RBKS: variants seen among roughly 807,000 people sequenced by gnomAD.
The protein encoded by RBKS is ribokinase.
Under a neutral mutation model 33.9 loss-of-function variants are expected in RBKS, and 33 were observed. That is an observed-to-expected ratio of 0.97 (90% CI 0.74 to 1.30). RBKS has a LOEUF of 1.30. Among genes scored for constraint, RBKS ranks in the 50% most tolerant of loss-of-function variants. The probability of loss-of-function intolerance (pLI) is 0.00; values close to 1 mark genes in which losing one functional copy is unlikely to be tolerated. For synonymous variants in RBKS, 125 were observed against 143.0 expected, an observed-to-expected ratio of 0.87 and a Z score of 0.90; for missense variants, 361 against 392.6, an observed-to-expected ratio of 0.92 and a Z score of 0.68.
chr2:27,870,197 A>C (rs978657030), intron 1 of RBKS: 1 of 152,542 alleles, frequency 6.6e-6, no homozygotes, highest in Non-Finnish European at 1.5e-5. Context: ...AATATCTGCT[A>C]ATGTTTGAAA....
intron 5 of RBKS, 81 bp from the exon 6 acceptor site, chr2:27,832,858 A>T (rs1678448441): frequency 2.2e-6 from 2 of 917,162 alleles, no homozygotes; most frequent in Non-Finnish European, 3.6e-6. Context: ...CAGTAGGGAA[A>T]ATCCCCGAGT....
chr2:27,828,690 A>T (rs1379693088), intron 6 of RBKS, among the ~76,000 whole-genome samples: 1 of 152,148 alleles, frequency 6.6e-6, no homozygotes, highest in South Asian at 2.1e-4. Flanking sequence ...CTTTCAATAT[A>T]CTAATTTTTC....
chr2:27,785,804 G>A (rs1172262713), intron 7 of RBKS, among the ~76,000 whole-genome samples: 4 of 151,842 alleles, frequency 2.6e-5, no homozygotes, highest in Admixed American at 2.0e-4. Context: ...AACGCTCTTT[G>A]ATTCAACAAT....
intron 7 of RBKS, among the ~76,000 whole-genome samples, chr2:27,784,242 C>G (rs1054290651): frequency 2.6e-5 from 4 of 151,684 alleles, no homozygotes; most frequent in South Asian, 2.1e-4. Flanking sequence ...CTCGGCCTCC[C>G]GAAGTGCTGG....
At chr2:27,836,523 A>C (rs1340924915) in intron 5 of RBKS, among the ~76,000 whole-genome samples, 2 of 152,252 alleles carry the variant, frequency 1.3e-5, no homozygotes, top group Non-Finnish European at 2.9e-5. Flanking sequence ...TTTAAATGTA[A>C]GACCTCAAAC....
At chr2:27,863,486 A>G (rs1664027834) in intron 1 of RBKS, among the ~76,000 whole-genome samples, 1 of 152,270 alleles carries the variant, frequency 6.6e-6, no homozygotes. Context: ...TTACCAGAAC[A>G]ACTTATCAAT....
intron 7 of RBKS, among the ~76,000 whole-genome samples, chr2:27,822,807 G>A (rs1019756822): frequency 1.3e-5 from 2 of 152,170 alleles, no homozygotes; most frequent in African/African-American, 4.8e-5. Context: ...GCTTTTGTTT[G>A]TTCTCAGCTT....
chr2:27,878,188 C>G (rs931839594), intron 1 of RBKS, among the ~76,000 whole-genome samples: 18 of 150,376 alleles, frequency 1.2e-4, no homozygotes, highest in South Asian at 2.1e-4. Flanking sequence ...CCCCTGCCCC[C>G]ACCCCACAAC....
intron 2 of RBKS, among the ~76,000 whole-genome samples, chr2:27,850,258 A>G (rs1294549255): frequency 6.6e-6 from 1 of 152,210 alleles, no homozygotes; most frequent in Non-Finnish European, 1.5e-5. Flanking sequence ...GGCAACTAGT[A>G]TCCCCCACTA....
At chr2:27,854,992 T>C (rs183234801) in intron 2 of RBKS, among the ~76,000 whole-genome samples, 2 of 152,298 alleles carry the variant, frequency 1.3e-5, no homozygotes, top group East Asian at 3.9e-4. Context: ...AATACTTTAT[T>C]GTATGCTTAA....
In RBKS at chr2:27,843,183, G is replaced by A. The variant is rs1013533144; in HGVS notation, c.398C>T (p.Thr133Met). ...ATTGGCTGCTGCCCTCAGATCCTCC[G>A]TATTCAAAAGTAAATTTGCTCCAGC... ...IVAGANLLLN[T>M]EDLRAAANVI... Residue 133 changes from threonine to methionine, a missense_variant, in exon 5 of 8, where the codon ACG becomes ATG. Physicochemically the swap from Thr to Met is moderately conservative, Grantham distance 81. Transcript: ENST00000302188. 6.3e-5 allele frequency: 101 copies of A among 1,611,838 alleles called. 1 individual carries two copies. The East Asian group carries it at 1.1e-3, about 18-fold the overall frequency.
chr2:27,818,266 C>T (rs1455757049), intron 7 of RBKS, among the ~76,000 whole-genome samples: 1 of 151,998 alleles, frequency 6.6e-6, no homozygotes, highest in African/African-American at 2.4e-5. Context: ...TTCATTTAAA[C>T]GAGGCTGCAG....
rs1005847771 is a variant in RBKS, at chr2:27,886,183, C to T, written c.89+4074G>A. Among the ~76,000 whole-genome samples the T allele has an allele frequency of 1.3e-5, 2 of 152,090 alleles. 1 individual carries two copies. Among genetic ancestry groups the T allele is most frequent in the East Asian group, 3.8e-4 (2 of 5,200 alleles). On this transcript the variant is annotated intron_variant, in intron 1 of 7. Transcript: ENST00000302188. ...TAATGATTTTTAAAAATTATTACTA[C>T]ATACGACTTACTATTCATAGCTGAC...
intron 7 of RBKS, among the ~76,000 whole-genome samples, chr2:27,803,018 CAG>C (rs142506421): frequency 0.013 from 1,926 of 152,208 alleles, 35 homozygotes; most frequent in African/African-American, 0.044. Context: ...TTTATAGAGA[CAG>C]AGTCTCTCTT....
Position 27,801,945 on chromosome 2 carries a change from C to A in RBKS, c.796-20157G>T, listed in dbSNP as rs1224243755. Reference sequence around the variant, plus strand: ...CCTCCTGTCTCAGTTTCCCGAGTAGCTGGGGAAAAAAAAAAAAAATATATA... The same window carrying A: ...CCTCCTGTCTCAGTTTCCCGAGTAGATGGGGAAAAAAAAAAAAAATATATA... On this transcript the variant is annotated intron_variant, in intron 7 of 7. Coordinates refer to ENST00000302188, the MANE Select transcript of RBKS (RefSeq NM_022128.3). Among the ~76,000 whole-genome samples the A allele has an allele frequency of 1.2e-4, 8 of 64,442 alleles. 1 individual carries two copies. Among genetic ancestry groups the A allele is most frequent in the African/African-American group, 5.4e-4 (8 of 14,894 alleles). The allele number at this position is 64,442 out of a possible 152,430, so 42.3% of individuals were successfully genotyped here.
At chr2:27,881,434 G>A (rs544610622) in intron 1 of RBKS, among the ~76,000 whole-genome samples, 5 of 152,002 alleles carry the variant, frequency 3.3e-5, no homozygotes, top group East Asian at 1.9e-4. Context: ...CCAGTTACTC[G>A]GGAGGCTGAG....
At chr2:27,886,362 A>T (rs1202446800) in intron 1 of RBKS, among the ~76,000 whole-genome samples, 1 of 152,240 alleles carries the variant, frequency 6.6e-6, no homozygotes, top group Non-Finnish European at 1.5e-5. Context: ...ACTAAAGAAT[A>T]GGCATGCGTG....
chr2:27,811,662 C>G (rs1269846313), intron 7 of RBKS, among the ~76,000 whole-genome samples: 1 of 152,124 alleles, frequency 6.6e-6, no homozygotes, highest in East Asian at 1.9e-4. Flanking sequence ...ACTCAGAACT[C>G]TGGGATAAAA....
chr2:27,848,038 A>G lies in RBKS; in HGVS notation c.282T>C (p.Ser94=). Residue 94 remains serine, a synonymous_variant, in exon 3 of 8, where the codon TCT becomes TCC. Transcript: ENST00000302188. The part of the protein sequence containing the change: ...YIENLKQNDI[S]TEFTYQTKDA... ...TAAAAAAGGTGGGAATTTTACCTGT[A>G]GAAATATCATTCTGTTTTAAGTTTT... 1 of 1,469,120 alleles carries G rather than the reference A, an allele frequency of 6.8e-7. No homozygotes were observed. The highest frequency in any genetic ancestry group is 9.4e-7 in the Non-Finnish European group (1 of 1,061,548). The allele number at this position is 1,469,120 out of a possible 1,614,324, so 91.0% of individuals were successfully genotyped here.
Sources: gnomAD v4.1 joint callset for allele counts (sites outside exome capture counted in the v4.1 genomes callset) on GRCh38, gnomAD v4.1.1 for gene constraint, MANE v1.5 for transcripts, NCBI Gene and HGNC (gene_info 2026-07-23, HGNC 2026-07-21) for gene names.